Variants in CTTNBP2NL observed in about 807,000 individuals in gnomAD.
The protein encoded by CTTNBP2NL is CTTNBP2 N-terminal-like protein.
In CTTNBP2NL, 16 loss-of-function variants were observed where a neutral mutation model predicts 32.5. The ratio of observed to expected loss-of-function variants is 0.49; its 90% CI spans 0.33 to 0.75. The LOEUF (loss-of-function observed/expected upper bound fraction) is 0.75. CTTNBP2NL is among the 30% of genes least tolerant of loss of function. The probability of loss-of-function intolerance (pLI) is 0.02; values close to 1 mark genes in which losing one functional copy is unlikely to be tolerated. For synonymous variants in CTTNBP2NL, 298 were observed against 289.4 expected (o/e 1.03, Z -0.30); for missense variants, 645 against 756.0 (o/e 0.85, Z 1.72).
At position 112,416,184 on chromosome 1, in the gene CTTNBP2NL, A is replaced by C; in HGVS notation, c.19A>C (p.Ser7Arg). Residue 7 changes from serine (S) to arginine (R), a missense_variant, in exon 3 of 6, where the codon AGC (serine) becomes CGC (arginine). By Grantham distance (110) the Ser-to-Arg change is moderately radical. Coordinates refer to ENST00000271277, the MANE Select transcript of CTTNBP2NL (RefSeq NM_018704.3). Reference protein sequence around the residue: MNLEKLSKPELLTLFSI... With the variant: MNLEKLRKPELLTLFSI... Reference sequence around the variant, plus strand: ...TTTCAAGATGAATCTGGAAAAACTCAGCAAGCCTGAACTCCTGACACTATT... The same window carrying C: ...TTTCAAGATGAATCTGGAAAAACTCCGCAAGCCTGAACTCCTGACACTATT... 5 of 1,603,194 alleles carry C rather than the reference A, an allele frequency of 3.1e-6. No individual in the cohort carries two copies. The highest frequency in any genetic ancestry group is 4.3e-6 in the Non-Finnish European group (5 of 1,174,700).
intron 2 of CTTNBP2NL, among the ~76,000 whole-genome samples, chr1:112,414,551 A>G (rs1300353464): frequency 6.6e-6 from 1 of 152,210 alleles, no homozygotes; most frequent in East Asian, 1.9e-4. Flanking sequence ...CCCCAAAATT[A>G]AAAAGAGTGA....
At chr1:112,416,350 G>A in intron 3 of CTTNBP2NL, 86 bp downstream of exon 3, 2 of 733,686 alleles carry the variant, frequency 2.7e-6, no homozygotes, top group South Asian at 1.7e-5. Context: ...AGGTATTTCT[G>A]CAGTTTCCAT....
At chr1:112,440,894 G>C (rs988337587) in intron 3 of CTTNBP2NL, among the ~76,000 whole-genome samples, 2 of 146,182 alleles carry the variant, frequency 1.4e-5, no homozygotes. Context: ...AAACGCTCGA[G>C]TGTTAACGTC....
At chr1:112,446,197 GAA>G (rs71723384) in intron 3 of CTTNBP2NL, among the ~76,000 whole-genome samples, 79,807 of 144,490 alleles carry the variant, frequency 0.55, 22,824 homozygotes, top group South Asian at 0.7. Context: ...TAAAAAAGTG[GAA>G]AAAAAAAAAA....
chr1:112,400,231 A>T (rs1352605314), intron 1 of CTTNBP2NL, among the ~76,000 whole-genome samples: 1 of 152,236 alleles, frequency 6.6e-6, no homozygotes, highest in East Asian at 1.9e-4. Flanking sequence ...TTTAAAGGCA[A>T]ACCTAGGTTC....
chr1:112,436,046 A>ATTTTT (rs374188144), intron 3 of CTTNBP2NL, among the ~76,000 whole-genome samples: 1 of 124,958 alleles, frequency 8.0e-6, no homozygotes, highest in Admixed American at 7.9e-5. Flanking sequence ...TTCTCCTGTG[A>ATTTTT]TTTTTTTTTT....
intron 3 of CTTNBP2NL, among the ~76,000 whole-genome samples, chr1:112,433,257 T>G (rs956944280): frequency 4.0e-5 from 6 of 151,282 alleles, no homozygotes; most frequent in Middle Eastern, 3.4e-3. Flanking sequence ...TGTGTGGGGG[T>G]GTGTGTGTGT....
intron 3 of CTTNBP2NL, among the ~76,000 whole-genome samples, chr1:112,427,600 G>GA (rs1649438395): frequency 6.6e-6 from 1 of 152,118 alleles, no homozygotes; most frequent in Non-Finnish European, 1.5e-5. Context: ...TAAGTCTTCA[G>GA]AAAAAGTAAA....
At chr1:112,408,990 T>C (rs2100996218) in intron 1 of CTTNBP2NL, among the ~76,000 whole-genome samples, 1 of 152,170 alleles carries the variant, frequency 6.6e-6, no homozygotes, top group South Asian at 2.1e-4. Flanking sequence ...TAGCCAGGCG[T>C]GGTAGCACGC....
upstream of CTTNBP2NL, among the ~76,000 whole-genome samples, chr1:112,394,144 T>A (rs1281287705): frequency 1.3e-5 from 2 of 149,766 alleles, no homozygotes; most frequent in African/African-American, 2.5e-5. Context: ...AGGCGGAGGT[T>A]GTAGTGAGAG....
chr1:112,435,152 A>T (rs890359297), intron 3 of CTTNBP2NL, among the ~76,000 whole-genome samples: 13 of 151,330 alleles, frequency 8.6e-5, no homozygotes, highest in African/African-American at 3.1e-4. Flanking sequence ...CAAAAAAAAA[A>T]AAAAAAAAAA....
Position 112,412,259 on chromosome 1 carries a change from A to G in CTTNBP2NL, c.-68A>G, listed in dbSNP as rs1648893398. ...TATTTGGCAATTTTCCCAATTTTTT[A>G]CTGAAGAAAACTGTAAGTTTATACT... On this transcript the variant is annotated 5_prime_UTR_variant, in exon 2 of 6. Coordinates refer to ENST00000271277, the MANE Select transcript of CTTNBP2NL (RefSeq NM_018704.3). 1.3e-5 allele frequency: 2 copies of G among 152,218 alleles called. No homozygotes were observed. The highest frequency in any genetic ancestry group is 2.9e-5 in the Non-Finnish European group (2 of 68,018). The allele number at this position is 152,218 out of a possible 1,614,324, so 9.4% of individuals were successfully genotyped here.
chr1:112,441,856 G>T (rs538347308), intron 3 of CTTNBP2NL, among the ~76,000 whole-genome samples: 2 of 152,152 alleles, frequency 1.3e-5, no homozygotes, highest in South Asian at 4.2e-4. Context: ...GGTCTGTGAT[G>T]CATTTTTATT....
rs191846165 is a variant in CTTNBP2NL at position 112,443,536 on chromosome 1, A to G, written c.100-5406A>G. Among the ~76,000 whole-genome samples, 556 of 152,192 alleles carry G rather than the reference A, an allele frequency of 3.7e-3. 3 individuals carry two copies. The highest frequency in any genetic ancestry group is 0.013 in the African/African-American group (532 of 41,538). ...GCTAATTTTTGTATTTTCAGTAGAGATGGGGTTGCACCACATTGGCCAGGC... is the reference window on the plus strand; with the variant it reads ...GCTAATTTTTGTATTTTCAGTAGAGGTGGGGTTGCACCACATTGGCCAGGC... On this transcript the variant is annotated intron_variant, in intron 3 of 5. Transcript: ENST00000271277.
In CTTNBP2NL at chr1:112,456,513, C is replaced by T. The variant is rs770705872; in HGVS notation, c.1021C>T (p.Pro341Ser). ...CACTGGGCTGCCTGGTCCTGCCACT[C>T]CTGCTTACTCATATGCAAAAACCAA... ...TNTGLPGPATPAYSYAKTNGH... is the reference protein window; with the variant it reads ...TNTGLPGPATSAYSYAKTNGH... The change falls in exon 6 of 6, where the codon CCT (proline) becomes TCT (serine). Residue 341 changes from proline to serine, a missense_variant. Transcript: ENST00000271277. The T allele has an allele frequency of 1.9e-6, 3 of 1,614,140 alleles. No individual in the cohort carries two copies. The highest frequency in any genetic ancestry group is 1.7e-5 in the Admixed American group (1 of 60,022).
intron 4 of CTTNBP2NL, 63 bp downstream of exon 4, chr1:112,449,235 T>C: frequency 1.1e-6 from 1 of 951,524 alleles, no homozygotes; most frequent in Non-Finnish European, 1.6e-6. Flanking sequence ...GCCTGATACT[T>C]TCTTGTCAGC....
At chr1:112,397,980 T>G (rs543649263) in intron 1 of CTTNBP2NL, among the ~76,000 whole-genome samples, 1 of 152,314 alleles carries the variant, frequency 6.6e-6, no homozygotes, top group Admixed American at 6.5e-5. Context: ...TTTCCAAATC[T>G]CCAGTAAGAA....
chr1:112,417,770 G>A (rs1397815250), intron 3 of CTTNBP2NL, among the ~76,000 whole-genome samples: 1 of 152,132 alleles, frequency 6.6e-6, no homozygotes, highest in African/African-American at 2.4e-5. Context: ...TGTTTCAATC[G>A]TTTGAGAAAA....
chr1:112,448,964 T>C lies in CTTNBP2NL; in HGVS notation c.122T>C (p.Ile41Thr), dbSNP rs1557897092. 1 of 1,610,188 alleles carries C rather than the reference T, an allele frequency of 6.2e-7. No individual in the cohort carries two copies. The change falls in exon 4 of 6, where the codon ATT becomes ACT. Residue 41 changes from isoleucine to threonine, a missense_variant. Ile to Thr is a moderately conservative substitution (Grantham distance 89). Transcript: ENST00000271277. Reference protein sequence around the residue: ...ALKAQHRDTFIEERYGKYNIS... With the variant: ...ALKAQHRDTFTEERYGKYNIS... ...CAGGCCCAACACAGAGATACTTTCA[T>C]TGAAGAACGCTATGGAAAATATAAC...
Sources: gnomAD v4.1 joint callset for allele counts (sites outside exome capture counted in the v4.1 genomes callset) on GRCh38, gnomAD v4.1.1 for gene constraint, MANE v1.5 for transcripts, NCBI Gene and HGNC (gene_info 2026-07-23, HGNC 2026-07-21) for gene names.